SPATA6: variants seen among roughly 807,000 people sequenced by gnomAD.
SPATA6 encodes spermatogenesis associated 6.
SPATA6 carries 56 observed loss-of-function variants against 65.3 expected under a neutral mutation model. That is an observed-to-expected ratio of 0.86 (90% CI 0.69 to 1.07). The LOEUF (loss-of-function observed/expected upper bound fraction) is 1.07, where lower values mean the gene tolerates loss of function less well. Among genes scored for constraint, SPATA6 ranks in the 50% least tolerant of loss-of-function variants. The pLI is 0.00. For missense variants in SPATA6, 590 were observed against 594.8 expected (o/e 0.99, Z 0.08); for synonymous variants, 199 against 213.2 (o/e 0.93, Z 0.58).
rs549840122 is a variant in SPATA6 at position 48,458,231 on chromosome 1, C to T, written c.52-5100G>A. 1.1e-4 allele frequency among the ~76,000 whole-genome samples: 17 copies of T among 152,098 alleles called. No individual in the cohort carries two copies. The South Asian group carries it at 3.3e-3, about 30-fold the overall frequency. On this transcript the variant is annotated intron_variant, in intron 1 of 12. Coordinates refer to ENST00000371847, the MANE Select transcript of SPATA6 (RefSeq NM_019073.4). Reference sequence around the variant, plus strand: ...ACAGAAAACAAAAGACAAAATGACACAAGTAAATCTTATCTGTGGTTACAT... The same window carrying T: ...ACAGAAAACAAAAGACAAAATGACATAAGTAAATCTTATCTGTGGTTACAT...
At chr1:48,442,717 T>TAAAAAAAAAAAAAAAA (rs71056669) in intron 3 of SPATA6, among the ~76,000 whole-genome samples, 42 of 46,220 alleles carry the variant, frequency 9.1e-4, no homozygotes, top group African/African-American at 3.8e-3. Context: ...ATGGAAGTAG[T>TAAAAAAAAAAAAAAAA]AAAAAAAAAA....
chr1:48,470,703 G>A (rs1342225729), intron 1 of SPATA6, among the ~76,000 whole-genome samples: 1 of 152,002 alleles, frequency 6.6e-6, no homozygotes, highest in African/African-American at 2.4e-5. Flanking sequence ...CTAACGTGAC[G>A]AAGGCCAGCC....
intron 5 of SPATA6, among the ~76,000 whole-genome samples, chr1:48,411,165 T>G (rs761380250): frequency 6.6e-6 from 1 of 152,152 alleles, no homozygotes. Context: ...GAATGTCAAT[T>G]ACAATTTAAA....
intron 5 of SPATA6, among the ~76,000 whole-genome samples, 160 bp downstream of exon 5, chr1:48,411,304 A>T (rs1170032183): frequency 6.6e-6 from 1 of 152,238 alleles, no homozygotes; most frequent in Non-Finnish European, 1.5e-5. Flanking sequence ...TAAGTAACAT[A>T]TTGAAATCTA....
intron 3 of SPATA6, among the ~76,000 whole-genome samples, chr1:48,424,788 C>G (rs1357831805): frequency 6.6e-6 from 1 of 152,152 alleles, no homozygotes; most frequent in African/African-American, 2.4e-5. Flanking sequence ...TGTAAGTCTT[C>G]TTTTGAAAAA....
At chr1:48,439,924 T>C (rs1426601545) in intron 3 of SPATA6, among the ~76,000 whole-genome samples, 1 of 152,192 alleles carries the variant, frequency 6.6e-6, no homozygotes, top group Admixed American at 6.5e-5. Flanking sequence ...TACTACAGTT[T>C]GACCTTTTCT....
intron 3 of SPATA6, among the ~76,000 whole-genome samples, chr1:48,433,008 T>C (rs921050403): frequency 2.0e-5 from 3 of 152,176 alleles, no homozygotes; most frequent in African/African-American, 4.8e-5. Context: ...CATTACGCTA[T>C]GTAAAATAAG....
At chr1:48,306,716 G>A (rs2148656329) in intron 11 of SPATA6, among the ~76,000 whole-genome samples, 1 of 152,048 alleles carries the variant, frequency 6.6e-6, no homozygotes, top group Non-Finnish European at 1.5e-5. Context: ...TCAGCTGAAT[G>A]CACATTGTGA....
chr1:48,394,148 A>G (rs72893299), intron 8 of SPATA6, among the ~76,000 whole-genome samples: 3,765 of 152,200 alleles, frequency 0.025, 101 homozygotes, highest in African/African-American at 0.067. Context: ...TTACTTTTCC[A>G]TAAGTCTGAA....
the SPATA6 span, among the ~76,000 whole-genome samples, chr1:48,285,730 G>A: frequency 5.3e-5 from 8 of 152,108 alleles, no homozygotes; most frequent in African/African-American, 9.6e-5. Context: ...GTGAGGCCCC[G>A]CCCCACCCAG....
chr1:48,351,680 A>G (rs529628572), intron 11 of SPATA6, among the ~76,000 whole-genome samples: 1 of 152,168 alleles, frequency 6.6e-6, no homozygotes, highest in East Asian at 1.9e-4. Flanking sequence ...TTAATTTGCT[A>G]ATATGTTGTT....
At chr1:48,333,894 A>G (rs1645985246) in intron 11 of SPATA6, among the ~76,000 whole-genome samples, 1 of 152,190 alleles carries the variant, frequency 6.6e-6, no homozygotes, top group African/African-American at 2.4e-5. Flanking sequence ...TCAGCTAGAC[A>G]AACAAGAAAA....
intron 7 of SPATA6, among the ~76,000 whole-genome samples, chr1:48,398,571 T>C (rs557761723): frequency 6.6e-6 from 1 of 151,930 alleles, no homozygotes; most frequent in East Asian, 1.9e-4. Context: ...AGGTTTAGTA[T>C]TATTATATAT....
In SPATA6 at chr1:48,418,795, A is replaced by AGGAAGGAGGGAAGGAG. The variant is rs141835857; in HGVS notation, c.239-5660_239-5645dup. ...AGGGAAGGAAGGAAGAAGGGAAGGA[A>AGGAAGGAGGGAAGGAG]GGAAGGAGGGAAGGAGGGAAGGAGG... On this transcript the variant is annotated intron_variant, in intron 3 of 12. Transcript: ENST00000371847. Among the ~76,000 whole-genome samples, 19 of 123,078 alleles carry AGGAAGGAGGGAAGGAG rather than the reference A, an allele frequency of 1.5e-4. 1 individual carries two copies. Among genetic ancestry groups the AGGAAGGAGGGAAGGAG allele is most frequent in the African/African-American group, 4.1e-4 (14 of 34,136 alleles). The allele number at this position is 123,078 out of a possible 152,430, so 80.7% of individuals were successfully genotyped here. A position where few individuals can be genotyped will look rare whatever the true frequency, so the allele number is the denominator to read the frequency against.
intron 11 of SPATA6, among the ~76,000 whole-genome samples, chr1:48,333,928 A>G (rs1645986435): frequency 6.6e-6 from 1 of 152,230 alleles, no homozygotes; most frequent in African/African-American, 2.4e-5. Flanking sequence ...AATAAACACT[A>G]TAATAAATGA....
At chr1:48,455,099 G>A (rs1396702893) in intron 1 of SPATA6, among the ~76,000 whole-genome samples, 1 of 151,988 alleles carries the variant, frequency 6.6e-6, no homozygotes, top group South Asian at 2.1e-4. Context: ...TGTCCATAAG[G>A]TTCATTTCTT....
chr1:48,290,918 G>T (rs1474217266), downstream of SPATA6, among the ~76,000 whole-genome samples: 1 of 152,062 alleles, frequency 6.6e-6, no homozygotes, highest in Non-Finnish European at 1.5e-5. Flanking sequence ...ACACCCCACT[G>T]TCAACATTAG....
chr1:48,313,851 T>TCTAC lies in SPATA6; in HGVS notation c.1195-7974_1195-7973insGTAG, dbSNP rs1395008622. 1.2e-4 allele frequency among the ~76,000 whole-genome samples: 18 copies of TCTAC among 150,674 alleles called. No individual in the cohort carries two copies. The East Asian group carries it at 2.3e-3, about 20-fold the overall frequency. ...CTCAAAATAAAGGGATGGAGGAAGA[T>TCTAC]CAAGCAAATGGAAAACAAAAAAAGG... is the stretch of plus-strand genomic sequence containing the variant. On this transcript the variant is annotated intron_variant, in intron 11 of 12. Transcript: ENST00000371847.
chr1:48,432,245 C>A (rs1037569743), intron 3 of SPATA6, among the ~76,000 whole-genome samples: 7 of 152,116 alleles, frequency 4.6e-5, no homozygotes, highest in Admixed American at 1.3e-4. Flanking sequence ...GCAATGATTT[C>A]TTGGATAACA....
Sources: gnomAD v4.1 joint callset for allele counts (sites outside exome capture counted in the v4.1 genomes callset) on GRCh38, gnomAD v4.1.1 for gene constraint, MANE v1.5 for transcripts, NCBI Gene and HGNC (gene_info 2026-07-23, HGNC 2026-07-21) for gene names.